Variants in HDAC5 observed in about 807,000 individuals in gnomAD.
HDAC5 encodes the protein antigen NY-CO-9.
Under a neutral mutation model 133.3 loss-of-function variants are expected in HDAC5, and 25 were observed. That is an observed-to-expected ratio of 0.19 (90% CI 0.14 to 0.26). The LOEUF (loss-of-function observed/expected upper bound fraction) is 0.26, where lower values mean the gene tolerates loss of function less well. Ranked by LOEUF, HDAC5 falls within the 10% of genes least tolerant of loss-of-function variation. The probability of loss-of-function intolerance (pLI) is 1.00; values close to 1 mark genes in which losing one functional copy is unlikely to be tolerated. For synonymous variants in HDAC5, 589 were observed against 610.8 expected, an observed-to-expected ratio of 0.96 and a Z score of 0.53; for missense variants, 1,041 against 1,460.5, an observed-to-expected ratio of 0.71 and a Z score of 4.68.
At chr17:44,080,059 G>T (rs767411629) in intron 23 of HDAC5, 48 bp downstream of exon 23, 2 of 1,337,792 alleles carry the variant, frequency 1.5e-6, no homozygotes, top group South Asian at 1.2e-5. Flanking sequence ...CACTGGACTC[G>T]ATATCCTCAC....
intron 3 of HDAC5, among the ~76,000 whole-genome samples, chr17:44,098,021 C>T (rs1276080330): frequency 6.6e-6 from 1 of 152,226 alleles, no homozygotes; most frequent in Non-Finnish European, 1.5e-5. Context: ...GAAGCACAGG[C>T]GACTCCAGAA....
At chr17:44,101,524 C>T (rs1431533777) in intron 3 of HDAC5, among the ~76,000 whole-genome samples, 1 of 151,878 alleles carries the variant, frequency 6.6e-6, no homozygotes, top group Non-Finnish European at 1.5e-5. Flanking sequence ...CATTATTACG[C>T]TGTTTGGAAT....
intron 3 of HDAC5, among the ~76,000 whole-genome samples, chr17:44,102,247 G>A (rs967197999): frequency 3.3e-5 from 5 of 152,220 alleles, no homozygotes; most frequent in African/African-American, 1.2e-4. Context: ...CAGAAGAAGG[G>A]CCACCTTTTT....
intron 6 of HDAC5, 78 bp downstream of exon 6, chr17:44,093,013 GA>G (rs760287360): frequency 1.9e-5 from 19 of 1,023,548 alleles, no homozygotes; most frequent in Non-Finnish European, 2.7e-5. Flanking sequence ...GCACGGGGAA[GA>G]AGCCCCTTGC....
At chr17:44,100,975 G>C (rs2051569058) in intron 3 of HDAC5, among the ~76,000 whole-genome samples, 1 of 148,996 alleles carries the variant, frequency 6.7e-6, no homozygotes, top group African/African-American at 2.4e-5. Context: ...TTTTTAGGTA[G>C]AGACGGGGTT....
At chr17:44,098,739 TAA>T (rs374173029) in intron 3 of HDAC5, among the ~76,000 whole-genome samples, 3 of 123,768 alleles carry the variant, frequency 2.4e-5, no homozygotes, top group Admixed American at 8.3e-5. Flanking sequence ...AGACCCTATC[TAA>T]AAAAAAAAAA....
rs2052696644 is a variant in HDAC5 at position 44,117,126 on chromosome 17, T to C, written c.22+368A>G. On this transcript the variant is annotated intron_variant, in intron 2 of 26. Coordinates refer to ENST00000682912, the MANE Select transcript of HDAC5 (RefSeq NM_005474.5). This position sits in a 1 kb window ranked among gnomAD's most constrained non-coding sequence, Gnocchi z 4.2. Reference sequence around the variant, plus strand: ...AAGGAAGCTGAGCATTCTGCTATAGTAAAGAAATTCCTCCAACATCATCCC... The same window carrying C: ...AAGGAAGCTGAGCATTCTGCTATAGCAAAGAAATTCCTCCAACATCATCCC... Among the ~76,000 whole-genome samples the C allele has an allele frequency of 6.6e-6, 1 of 152,190 alleles. No homozygotes were observed. The highest frequency in any genetic ancestry group is 2.4e-5 in the African/African-American group (1 of 41,434).
chr17:44,097,828 T>A (rs2051363648), intron 3 of HDAC5, among the ~76,000 whole-genome samples: 1 of 152,252 alleles, frequency 6.6e-6, no homozygotes, highest in Non-Finnish European at 1.5e-5. Context: ...TGGCTTCCCT[T>A]GCAGGAGCCC....
chr17:44,100,674 C>T (rs2051545392), intron 3 of HDAC5, among the ~76,000 whole-genome samples: 1 of 151,374 alleles, frequency 6.6e-6, no homozygotes, highest in Non-Finnish European at 1.5e-5. Context: ...TCACTTGAAC[C>T]CAGGAGGTGG....
intron 14 of HDAC5, 65 bp from the exon 15 acceptor site, chr17:44,085,220 T>A (rs1433746151): frequency 6.8e-7 from 1 of 1,472,618 alleles, no homozygotes; most frequent in Admixed American, 1.9e-5. Flanking sequence ...CTGGCTACCA[T>A]GATCCTCAGC....
chr17:44,079,867 C>T (rs1310914051), intron 23 of HDAC5, among the ~76,000 whole-genome samples: 3 of 152,148 alleles, frequency 2.0e-5, no homozygotes, highest in African/African-American at 4.8e-5. Flanking sequence ...ACAAGCCCAT[C>T]TCTACAGCTC....
At chr17:44,089,868 G>A (rs974545459) in intron 11 of HDAC5, among the ~76,000 whole-genome samples, 5 of 150,054 alleles carry the variant, frequency 3.3e-5, no homozygotes, top group African/African-American at 9.8e-5. Flanking sequence ...GAGGTGGAGG[G>A]TGCAGTGAGC....
Position 44,093,663 on chromosome 17 carries a change from AGCT to A in HDAC5, c.263_265del (p.Gln88del), listed in dbSNP as rs754414103. The A allele has an allele frequency of 1.9e-6, 3 of 1,611,734 alleles. No individual in the cohort carries two copies. Among genetic ancestry groups the A allele is most frequent in the Non-Finnish European group, 2.5e-6 (3 of 1,179,276 alleles). On this transcript the variant is annotated inframe_deletion, in exon 4 of 27. Transcript: ENST00000682912. ...CTCAGCGAACAGGAGCTGCTTCTGC[AGCT>A]GCTGCTGCTGCTTGAGCGCCAGGAG...
At position 44,091,658 on chromosome 17, in the gene HDAC5, C is replaced by T. The variant is rs202172457; in HGVS notation, c.1164+42G>A. The T allele has an allele frequency of 1.3e-5, 20 of 1,519,982 alleles. No individual in the cohort carries two copies. In the East Asian group the frequency reaches 4.6e-4, roughly 35 times the overall value. 94.2% of individuals were successfully genotyped at this position (1,519,982 alleles called of 1,614,324 possible). ...GCTGGGGGCATGCAGGACCTGTGAC[C>T]TCAACACCAGAGGGAAGATGGGGTA... is the stretch of plus-strand genomic sequence containing the variant. On this transcript the variant is annotated intron_variant, in intron 10 of 26. Transcript: ENST00000682912.
intron 1 of HDAC5, among the ~76,000 whole-genome samples, chr17:44,121,287 G>C (rs1192842373): frequency 1.3e-5 from 2 of 151,990 alleles, no homozygotes; most frequent in South Asian, 2.1e-4. Context: ...GGGTGAGGTG[G>C]GATAGGGAAG....
At chr17:44,099,936 C>T (rs1224151945) in intron 3 of HDAC5, among the ~76,000 whole-genome samples, 2 of 152,174 alleles carry the variant, frequency 1.3e-5, no homozygotes, top group Non-Finnish European at 2.9e-5. Context: ...TTCAGGAACC[C>T]CATCAGCCCA....
intron 1 of HDAC5, chr17:44,120,148 G>A (rs2052897193): frequency 6.6e-6 from 1 of 152,444 alleles, no homozygotes; most frequent in Non-Finnish European, 1.5e-5. Flanking sequence ...GGTGGAGGAG[G>A]GCAGACAAGT....
At chr17:44,089,289 G>T (rs1403909846) in intron 11 of HDAC5, among the ~76,000 whole-genome samples, 1 of 152,200 alleles carries the variant, frequency 6.6e-6, no homozygotes, top group South Asian at 2.1e-4. Flanking sequence ...CAAGGCAGGG[G>T]GATGGCTTGA....
At chr17:44,086,440 C>T (rs946867268) in intron 14 of HDAC5, 132 bp downstream of exon 14, 19 of 656,944 alleles carry the variant, frequency 2.9e-5, no homozygotes, top group Non-Finnish European at 3.8e-5. Context: ...AGGGAGAGAA[C>T]GAAGGCCTGT....
Sources: gnomAD v4.1 joint callset for allele counts (sites outside exome capture counted in the v4.1 genomes callset) on GRCh38, gnomAD v4.1.1 for gene constraint, Gnocchi (gnomAD v3.1) non-coding constraint, MANE v1.5 for transcripts, NCBI Gene and HGNC (gene_info 2026-07-23, HGNC 2026-07-21) for gene names.